Variants in LRRC7 observed in about 807,000 individuals in gnomAD.
The protein encoded by LRRC7 is leucine rich repeat containing 7, also known as leucine-rich repeat-containing protein 7.
A neutral mutation model predicts 175.7 loss-of-function variants in LRRC7; 23 were observed. That is an observed-to-expected ratio of 0.13 (90% CI 0.09 to 0.19). The LOEUF (loss-of-function observed/expected upper bound fraction) is 0.19. Among genes scored for constraint, LRRC7 ranks in the 10% least tolerant of loss-of-function variants. LRRC7 has a pLI of 1.00. For synonymous variants in LRRC7, 685 were observed against 680.9 expected (o/e 1.01, Z -0.09); for missense variants, 1,354 against 1,904.7 (o/e 0.71, Z 5.38).
chr1:69,764,782 C>T (rs56367443), intron 3 of LRRC7, among the ~76,000 whole-genome samples: 11,689 of 90,534 alleles, frequency 0.13, 545 homozygotes, highest in Admixed American at 0.19. Context: ...GATAGATAGA[C>T]AGACAGACAG....
chr1:70,016,618 C>T (rs569319000), intron 14 of LRRC7, 84 bp downstream of exon 14: 81 of 1,002,970 alleles, frequency 8.1e-5, no homozygotes, highest in Admixed American at 1.6e-4. Context: ...CAATAGATAC[C>T]TTTGACAGCA....
intron 8 of LRRC7, among the ~76,000 whole-genome samples, chr1:69,955,104 A>T (rs1256109242): frequency 6.6e-6 from 1 of 152,100 alleles, no homozygotes; most frequent in African/African-American, 2.4e-5. Context: ...TGCCACACAC[A>T]GAGCATAGCA....
chr1:70,034,773 T>C (rs12043672), intron 18 of LRRC7, among the ~76,000 whole-genome samples: 14,473 of 152,236 alleles, frequency 0.095, 694 homozygotes, highest in South Asian at 0.13. Flanking sequence ...TAAATGATCT[T>C]TCCCTTTTCT....
chr1:69,632,158 A>G (rs1303359543), intron 1 of LRRC7, among the ~76,000 whole-genome samples: 1 of 152,014 alleles, frequency 6.6e-6, no homozygotes, highest in Non-Finnish European at 1.5e-5. Context: ...GACCCCATGC[A>G]TTTCTTCCTG....
intron 2 of LRRC7, among the ~76,000 whole-genome samples, chr1:69,693,239 C>A (rs1296242276): frequency 6.6e-6 from 1 of 152,090 alleles, no homozygotes; most frequent in Non-Finnish European, 1.5e-5. Context: ...ATGATATAGA[C>A]ATCTATATAT....
intron 21 of LRRC7, 138 bp downstream of exon 21, chr1:70,039,931 G>C (rs888249080): frequency 1.0e-5 from 12 of 1,166,708 alleles, no homozygotes; most frequent in African/African-American, 1.5e-5. Flanking sequence ...TTATATTGTG[G>C]GGAAAATGGA....
In LRRC7 at chr1:69,848,534, A is replaced by AGG. The variant is rs147695582; in HGVS notation, c.647+10252_647+10253insGG. Among the ~76,000 whole-genome samples, 1,298 of 152,206 alleles carry AGG rather than the reference A, an allele frequency of 8.5e-3. 16 individuals carry two copies. Among genetic ancestry groups the AGG allele is most frequent in the African/African-American group, 0.029 (1,194 of 41,558 alleles). ...ATGCTTTGATTTTTACTTTTATAAAAGACCCTTCATGCATAAACAACAAAC... is the reference window on the plus strand; with the variant it reads ...ATGCTTTGATTTTTACTTTTATAAAAGGGACCCTTCATGCATAAACAACAAAC... On this transcript the variant is annotated intron_variant, in intron 7 of 26. Coordinates refer to ENST00000651989, the MANE Select transcript of LRRC7 (RefSeq NM_001370785.2).
chr1:70,039,165 A>G lies in LRRC7; in HGVS notation c.3341A>G (p.Tyr1114Cys). The G allele has an allele frequency of 1.2e-6, 2 of 1,614,164 alleles. 1 individual carries two copies. The highest frequency in any genetic ancestry group is 2.2e-5 in the South Asian group (2 of 91,084). Residue 1114 changes from tyrosine to cysteine, a missense_variant, in exon 21 of 27, where the codon TAC becomes TGC. By Grantham distance (194) the Tyr-to-Cys change is radical. This residue lies in a region of LRRC7 where 1,032 missense variants were observed against 1,227.2 expected (regional missense o/e 0.84). Transcript: ENST00000651989. ...AAGGATTTGATTAGTCCTAGAGCTT[A>G]CAGAGGATACCCACCGATGGAGCAA... Reference protein sequence around the residue: ...IAKDLISPRAYRGYPPMEQMF... With the variant: ...IAKDLISPRACRGYPPMEQMF...
intron 25 of LRRC7, among the ~76,000 whole-genome samples, chr1:70,094,873 A>G (rs1229453042): frequency 1.3e-5 from 2 of 152,236 alleles, no homozygotes; most frequent in Non-Finnish European, 1.5e-5. Context: ...TTTAACTTAT[A>G]AAAAAGGTAC....
intron 1 of LRRC7, among the ~76,000 whole-genome samples, chr1:69,630,108 T>C (rs1446707034): frequency 1.3e-5 from 2 of 152,166 alleles, no homozygotes; most frequent in Non-Finnish European, 2.9e-5. Flanking sequence ...CCTCCATCCA[T>C]GCATTTATCC....
chr1:69,796,571 G>A (rs549793951), intron 4 of LRRC7, among the ~76,000 whole-genome samples: 27 of 152,154 alleles, frequency 1.8e-4, no homozygotes, highest in African/African-American at 6.5e-4. Flanking sequence ...GATCACCTGA[G>A]GTCGGGAGTT....
At chr1:69,614,522 T>A (rs1649311674) in intron 1 of LRRC7, among the ~76,000 whole-genome samples, 1 of 152,004 alleles carries the variant, frequency 6.6e-6, no homozygotes, top group African/African-American at 2.4e-5. Flanking sequence ...CAGATAAAAC[T>A]CTCATTTGCC....
chr1:69,598,110 A>G (rs922024320), intron 1 of LRRC7, among the ~76,000 whole-genome samples: 2 of 152,164 alleles, frequency 1.3e-5, no homozygotes, highest in Non-Finnish European at 2.9e-5. Context: ...CTGCTAACGC[A>G]TATCTGGTAA....
chr1:69,757,210 T>C (rs1385493676), intron 2 of LRRC7, among the ~76,000 whole-genome samples: 1 of 152,008 alleles, frequency 6.6e-6, no homozygotes, highest in Non-Finnish European at 1.5e-5. Context: ...ACAGGGATTT[T>C]AGAAGATGAG....
chr1:69,737,758 CTG>C (rs1668280646), intron 2 of LRRC7, among the ~76,000 whole-genome samples: 3 of 152,098 alleles, frequency 2.0e-5, no homozygotes, highest in African/African-American at 7.2e-5. Context: ...CTAATAAAGA[CTG>C]TTGTGCAATA....
chr1:70,027,842 A>AAACAGCTGCTATAACTTG (rs1443149342), intron 17 of LRRC7, among the ~76,000 whole-genome samples: 3 of 152,212 alleles, frequency 2.0e-5, no homozygotes, highest in African/African-American at 7.2e-5. Flanking sequence ...TAAAGTAAGA[A>AAACAGCTGCTATAACTTG]AACAGCTGCT....
At chr1:69,837,910 A>G (rs993723593) in intron 6 of LRRC7, among the ~76,000 whole-genome samples, 2 of 151,570 alleles carry the variant, frequency 1.3e-5, no homozygotes, top group African/African-American at 4.8e-5. Context: ...ATAGTTTACC[A>G]TAGTAAAATT....
chr1:70,136,339 G>A lies in LRRC7; in HGVS notation c.*14452G>A, dbSNP rs1216970844. 2.6e-5 allele frequency among the ~76,000 whole-genome samples: 4 copies of A among 152,172 alleles called. No homozygotes were observed. Among genetic ancestry groups the A allele is most frequent in the Admixed American group, 6.5e-5 (1 of 15,290 alleles). On this transcript the variant is annotated 3_prime_UTR_variant, in exon 27 of 27. Transcript: ENST00000651989. ...GACCTGTAGGTTTGAATCGAGAGAT[G>A]TTTAAGTAATTCTCTTGTAAGTCTG...
At chr1:69,787,967 G>GCCTT (rs779183720) in intron 3 of LRRC7, among the ~76,000 whole-genome samples, 1 of 150,958 alleles carries the variant, frequency 6.6e-6, no homozygotes, top group Admixed American at 6.6e-5. Flanking sequence ...CCTCCTGCCT[G>GCCTT]CCTTCCTTCC....
Sources: allele counts gnomAD v4.1 joint callset (sites outside exome capture counted in the v4.1 genomes callset), GRCh38; gene constraint gnomAD v4.1.1; regional missense constraint gnomAD v4.1.1; transcripts MANE v1.5; gene names NCBI Gene and HGNC (gene_info 2026-07-23, HGNC 2026-07-21).